TMPRSS15: variants seen among roughly 807,000 people sequenced by gnomAD.
TMPRSS15 encodes the protein transmembrane serine protease 15.
In TMPRSS15, 128 loss-of-function variants were observed where a neutral mutation model predicts 125.3. The observed-to-expected ratio is 1.02, with a 90% CI of 0.89 to 1.18. The LOEUF is 1.18. TMPRSS15 is among the 50% of genes most tolerant of loss of function. TMPRSS15 has a pLI of 0.00. For missense variants in TMPRSS15, 1,283 were observed against 1,212.7 expected (o/e 1.06, Z -0.86); for synonymous variants, 446 against 423.2 (o/e 1.05, Z -0.66).
intron 12 of TMPRSS15, 75 bp from the exon 13 acceptor site, chr21:18,341,623 C>T: frequency 6.8e-7 from 1 of 1,466,908 alleles, no homozygotes; most frequent in Non-Finnish European, 9.5e-7. Flanking sequence ...CTTGTGAGCC[C>T]AAGAGATTCA....
At chr21:18,315,407 G>A (rs1172638207) in intron 16 of TMPRSS15, 151 bp from the exon 17 acceptor site, 36 of 649,218 alleles carry the variant, frequency 5.5e-5, no homozygotes, top group Non-Finnish European at 2.2e-5. Context: ...GAGAGTTAAT[G>A]GGTGCAGCAC....
chr21:18,440,864 T>C (rs2076239843), intron 1 of TMPRSS15, among the ~76,000 whole-genome samples: 1 of 152,348 alleles, frequency 6.6e-6, no homozygotes, highest in South Asian at 2.1e-4. Context: ...TTGTTAATAA[T>C]ATAGTTGTTG....
chr21:18,446,620 G>C (rs1019968079), intron 1 of TMPRSS15, among the ~76,000 whole-genome samples: 1 of 152,074 alleles, frequency 6.6e-6, no homozygotes, highest in Non-Finnish European at 1.5e-5. Context: ...CAATAGAACA[G>C]AATACGGAAC....
chr21:18,303,114 T>C (rs908139490), intron 18 of TMPRSS15, among the ~76,000 whole-genome samples: 3 of 152,198 alleles, frequency 2.0e-5, no homozygotes, highest in Non-Finnish European at 4.4e-5. Flanking sequence ...GGTTTTTTAA[T>C]GTTTTCCTTT....
chr21:18,381,367 T>C (rs1035368306), intron 4 of TMPRSS15, among the ~76,000 whole-genome samples: 12 of 152,106 alleles, frequency 7.9e-5, no homozygotes, highest in Non-Finnish European at 1.5e-4. Context: ...AATAATATGG[T>C]TAAATTTTTT....
At chr21:18,371,312 G>T (rs778089184) in intron 6 of TMPRSS15, among the ~76,000 whole-genome samples, 3 of 152,160 alleles carry the variant, frequency 2.0e-5, no homozygotes, top group Non-Finnish European at 4.4e-5. Flanking sequence ...GTGGTTGACA[G>T]CAGGTAGTTG....
Position 18,297,715 on chromosome 21 carries a change from A to G in TMPRSS15, c.2261+19T>C, listed in dbSNP as rs752430347. The stretch of plus-strand genomic sequence containing the variant: ...CATGTCTATGTACAACTAGTCTAAG[A>G]ACAGATTTAGGGACCCACCTGGGTG... On this transcript the variant is annotated intron_variant, in intron 19 of 24. Transcript: ENST00000284885. 6.3e-7 allele frequency: 1 copy of G among 1,588,658 alleles called. No individual in the cohort carries two copies. The highest frequency in any genetic ancestry group is 1.1e-5 in the South Asian group (1 of 90,544).
chr21:18,279,164 A>C, intron 22 of TMPRSS15, 105 bp from the exon 23 acceptor site: 1 of 704,430 alleles, frequency 1.4e-6, no homozygotes, highest in Admixed American at 2.5e-5. Flanking sequence ...TTAATCTAAA[A>C]AACATGTATT....
In TMPRSS15 at chr21:18,337,619, C is replaced by T. The variant is rs139776836; in HGVS notation, c.1564+3794G>A. Among the ~76,000 whole-genome samples the T allele has an allele frequency of 1.2e-4, 19 of 152,216 alleles. No individual in the cohort carries two copies. In the East Asian group the frequency reaches 3.5e-3, roughly 28 times the overall value. On this transcript the variant is annotated intron_variant, in intron 13 of 24. Transcript: ENST00000284885. Reference sequence around the variant, plus strand: ...GAATAATCTCTGTGGTTATGAAAGCCGAACTTACATTTCCTCAGACTAGGC... The same window carrying T: ...GAATAATCTCTGTGGTTATGAAAGCTGAACTTACATTTCCTCAGACTAGGC...
intron 3 of TMPRSS15, among the ~76,000 whole-genome samples, chr21:18,391,112 G>A (rs1697920009): frequency 6.6e-6 from 1 of 152,174 alleles, no homozygotes; most frequent in Non-Finnish European, 1.5e-5. Context: ...TTGGAGATGA[G>A]ATTTGTGTGG....
intron 3 of TMPRSS15, among the ~76,000 whole-genome samples, chr21:18,392,990 T>C (rs2076003436): frequency 1.3e-5 from 2 of 152,054 alleles, no homozygotes; most frequent in African/African-American, 4.8e-5. Flanking sequence ...TGAGATGAGA[T>C]TTGAGTGGGG....
intron 3 of TMPRSS15, among the ~76,000 whole-genome samples, chr21:18,396,556 C>T (rs565798137): frequency 3.3e-5 from 5 of 152,026 alleles, no homozygotes; most frequent in African/African-American, 7.2e-5. Context: ...GGGCGGATCA[C>T]GAGGTCAGGA....
intron 4 of TMPRSS15, among the ~76,000 whole-genome samples, chr21:18,382,302 T>C (rs1388222969): frequency 2.0e-5 from 3 of 152,136 alleles, no homozygotes; most frequent in Admixed American, 2.0e-4. Flanking sequence ...CCAGTAGTAG[T>C]TTTCAGCTCA....
chr21:18,474,818 G>A (rs1978847782), intron 1 of TMPRSS15, among the ~76,000 whole-genome samples: 1 of 152,146 alleles, frequency 6.6e-6, no homozygotes. Context: ...TAGTCTGACT[G>A]AGGCTACACA....
intron 4 of TMPRSS15, among the ~76,000 whole-genome samples, chr21:18,382,177 G>C (rs1186104029): frequency 1.3e-5 from 2 of 152,240 alleles, no homozygotes; most frequent in South Asian, 4.1e-4. Context: ...TTTACCAAAA[G>C]TATCTGTGTT....
intron 1 of TMPRSS15, among the ~76,000 whole-genome samples, chr21:18,398,718 T>C (rs957187770): frequency 6.6e-6 from 1 of 152,110 alleles, no homozygotes; most frequent in Non-Finnish European, 1.5e-5. Context: ...ATTAAAAGTT[T>C]TGTAGTTGCT....
At chr21:18,439,176 T>C (rs989224657) in intron 1 of TMPRSS15, among the ~76,000 whole-genome samples, 1 of 152,190 alleles carries the variant, frequency 6.6e-6, no homozygotes, top group African/African-American at 2.4e-5. Flanking sequence ...AACTTACCCA[T>C]GGAAAATGAT....
intron 21 of TMPRSS15, among the ~76,000 whole-genome samples, chr21:18,290,966 A>T (rs926337618): frequency 6.6e-6 from 1 of 152,218 alleles, no homozygotes; most frequent in African/African-American, 2.4e-5. Flanking sequence ...GCATGTTTGA[A>T]ATTATATCAA....
chr21:18,312,866 A>T (rs1020617709), intron 18 of TMPRSS15, 79 bp downstream of exon 18: 4 of 1,551,740 alleles, frequency 2.6e-6, no homozygotes, highest in Non-Finnish European at 3.5e-6. Context: ...ATAAATTTTA[A>T]AGCTCTTATT....
Sources: allele counts gnomAD v4.1 joint callset (sites outside exome capture counted in the v4.1 genomes callset), GRCh38; gene constraint gnomAD v4.1.1; transcripts MANE v1.5; gene names NCBI Gene and HGNC (gene_info 2026-07-23, HGNC 2026-07-21).